Variants in EEF2K observed in about 807,000 individuals in gnomAD.
EEF2K encodes the protein alternative protein EEF2K.
A neutral mutation model predicts 93.8 loss-of-function variants in EEF2K; 70 were observed. The ratio of observed to expected loss-of-function variants is 0.75; its 90% CI spans 0.62 to 0.91. The LOEUF is 0.91. Among genes scored for constraint, EEF2K ranks in the 40% least tolerant of loss-of-function variants. EEF2K has a pLI of 0.00. For synonymous variants in EEF2K, 376 were observed against 380.8 expected, an observed-to-expected ratio of 0.99 and a Z score of 0.15; for missense variants, 935 against 972.9, an observed-to-expected ratio of 0.96 and a Z score of 0.52.
intron 2 of EEF2K, among the ~76,000 whole-genome samples, chr16:22,227,234 C>A (rs2047073673): frequency 6.6e-6 from 1 of 152,070 alleles, no homozygotes; most frequent in Admixed American, 6.6e-5. Context: ...ATTTATTATT[C>A]ATTTTATTTT....
intron 16 of EEF2K, among the ~76,000 whole-genome samples, chr16:22,278,020 C>T (rs568294471): frequency 3.8e-4 from 58 of 152,140 alleles, no homozygotes; most frequent in African/African-American, 1.3e-3. Context: ...GCTTGGGCAA[C>T]CTGGTAAGAG....
chr16:22,217,218 G>A (rs78124868), intron 1 of EEF2K, among the ~76,000 whole-genome samples: 1 of 125,790 alleles, frequency 7.9e-6, no homozygotes, highest in Admixed American at 7.8e-5. Context: ...GATATATATA[G>A]ATAGATAGAT....
At chr16:22,234,877 C>CTTTTTTTTTTTTTTTT (rs1173052779) in intron 2 of EEF2K, among the ~76,000 whole-genome samples, 3 of 90,616 alleles carry the variant, frequency 3.3e-5, no homozygotes, top group South Asian at 4.3e-4. Flanking sequence ...TTTTTTGTTG[C>CTTTTTTTTTTTTTTTT]TTTTTTTTTT....
At chr16:22,244,089 C>G (rs1446437118) in intron 2 of EEF2K, among the ~76,000 whole-genome samples, 2 of 151,460 alleles carry the variant, frequency 1.3e-5, no homozygotes, top group Admixed American at 1.3e-4. Flanking sequence ...AGTAGCAGTG[C>G]GTGGTGGCGG....
At chr16:22,262,985 C>A in intron 11 of EEF2K, 125 bp from the exon 12 acceptor site, 1 of 779,614 alleles carries the variant, frequency 1.3e-6, no homozygotes, top group Admixed American at 3.1e-5. Flanking sequence ...CAAGGGACAG[C>A]AGGAGCAGGG....
chr16:22,267,521 G>GGA (rs753614308), intron 15 of EEF2K, among the ~76,000 whole-genome samples: 4 of 151,926 alleles, frequency 2.6e-5, no homozygotes, highest in Non-Finnish European at 5.9e-5. Context: ...CTTGAACCTG[G>GGA]GAGACAGAGG....
At chr16:22,278,495 G>A (rs544454995) in intron 16 of EEF2K, among the ~76,000 whole-genome samples, 54 of 152,308 alleles carry the variant, frequency 3.5e-4, no homozygotes, top group African/African-American at 1.3e-3. Flanking sequence ...GCAGGCAGGA[G>A]CAGGCATCGT....
chr16:22,257,523 C>G, intron 8 of EEF2K, 120 bp from the exon 9 acceptor site: 1 of 1,545,616 alleles, frequency 6.5e-7, no homozygotes, highest in South Asian at 1.2e-5. Context: ...GCCTGGATGT[C>G]TGATGCCTCC....
chr16:22,210,330 T>A (rs756815631), intron 1 of EEF2K, among the ~76,000 whole-genome samples: 6 of 152,258 alleles, frequency 3.9e-5, no homozygotes, highest in East Asian at 1.9e-4. Flanking sequence ...GTGGCTAAAC[T>A]GCGGAAAATT....
At chr16:22,263,465 C>G (rs1185617803) in intron 12 of EEF2K, 13 of 185,782 alleles carry the variant, frequency 7.0e-5, no homozygotes. Flanking sequence ...AAAAATTAGC[C>G]TGGCATGGTG....
intron 6 of EEF2K, 117 bp downstream of exon 6, chr16:22,251,439 A>C (rs2047351675): frequency 7.8e-7 from 1 of 1,284,716 alleles, no homozygotes; most frequent in African/African-American, 1.5e-5. Flanking sequence ...TTTGAGATGA[A>C]GTCTTGCTCT....
In EEF2K at chr16:22,280,426, G is replaced by A. The variant is rs201669044; in HGVS notation, c.2068+50G>A. On this transcript the variant is annotated intron_variant, in intron 17 of 17. Transcript: ENST00000263026. Reference sequence around the variant, plus strand: ...GGGCTGCAACAGGGCTGGGCAGGGAGGAACCTAATTTCCATTCCACTGGGA... The same window carrying A: ...GGGCTGCAACAGGGCTGGGCAGGGAAGAACCTAATTTCCATTCCACTGGGA... 4,402 of 1,384,648 alleles carry A rather than the reference G, an allele frequency of 3.2e-3. 19 individuals carry two copies. The highest frequency in any genetic ancestry group is 3.9e-3 in the Non-Finnish European group (4,094 of 1,061,058). 85.8% of individuals were successfully genotyped at this position (1,384,648 alleles called of 1,614,324 possible).
intron 3 of EEF2K, 120 bp downstream of exon 3, chr16:22,244,850 C>A: frequency 2.0e-6 from 2 of 989,502 alleles, no homozygotes; most frequent in Admixed American, 2.2e-5. Context: ...ATAACAGCAG[C>A]TAATATTGGC....
rs773680954 is a variant in EEF2K at position 22,260,452 on chromosome 16, C to T, written c.1232-10C>T. On this transcript the variant is annotated splice_polypyrimidine_tract_variant and intron_variant, in intron 10 of 17. Coordinates refer to ENST00000263026, the MANE Select transcript of EEF2K (RefSeq NM_013302.5). Reference sequence around the variant, plus strand: ...GAACCAGGACATGATGTCTGTTTCTCCCTGCCCAGATTGGCCAGTGTTCAG... The same window carrying T: ...GAACCAGGACATGATGTCTGTTTCTTCCTGCCCAGATTGGCCAGTGTTCAG... The T allele has an allele frequency of 6.2e-7, 1 of 1,614,116 alleles. No homozygotes were observed. The highest frequency in any genetic ancestry group is 1.3e-5 in the African/African-American group (1 of 75,028).
chr16:22,244,269 TTGTGTGTGTGTGTGTGTGTGTGTGTG>T (rs200282636), intron 2 of EEF2K, among the ~76,000 whole-genome samples: 7 of 140,058 alleles, frequency 5.0e-5, no homozygotes, highest in Non-Finnish European at 1.1e-4. Flanking sequence ...TATATATGTA[TTGTGTGTGTGTGTGTGTGTGTGTGTG>T]TGTGTGTGTG....
chr16:22,244,750 T>G lies in EEF2K; in HGVS notation c.347+20T>G. ...ACACAGGTCAGCAGCTTGTGTGGGG[T>G]CTCGAGGAGTCCTGGGGGCTATACG... is the stretch of plus-strand genomic sequence containing the variant. On this transcript the variant is annotated intron_variant, in intron 3 of 17. Transcript: ENST00000263026. 1 of 1,612,606 alleles carries G rather than the reference T, an allele frequency of 6.2e-7. No homozygotes were observed. The highest frequency in any genetic ancestry group is 8.5e-7 in the Non-Finnish European group (1 of 1,178,988).
At chr16:22,220,090 C>G (rs62044763) in intron 1 of EEF2K, among the ~76,000 whole-genome samples, 17,829 of 152,264 alleles carry the variant, frequency 0.12, 1,263 homozygotes, top group South Asian at 0.17. Flanking sequence ...CATGCTTAGC[C>G]AAAACCCGGT....
intron 6 of EEF2K, among the ~76,000 whole-genome samples, chr16:22,254,839 G>T (rs563355409): frequency 2.6e-5 from 4 of 151,648 alleles, no homozygotes; most frequent in African/African-American, 4.8e-5. Flanking sequence ...AGCCCGGGGT[G>T]GGGGGGCGGA....
intron 3 of EEF2K, among the ~76,000 whole-genome samples, chr16:22,247,014 G>A (rs1174466438): frequency 7.2e-6 from 1 of 139,538 alleles, no homozygotes; most frequent in Admixed American, 7.5e-5. Flanking sequence ...CTCCAGCCTG[G>A]GTGACAGAGC....
Sources: gnomAD v4.1 joint callset for allele counts (sites outside exome capture counted in the v4.1 genomes callset) on GRCh38, gnomAD v4.1.1 for gene constraint, MANE v1.5 for transcripts, NCBI Gene and HGNC (gene_info 2026-07-23, HGNC 2026-07-21) for gene names.